CCM2L: variants seen among roughly 807,000 people sequenced by gnomAD.
The protein encoded by CCM2L is CCM2 like scaffold protein.
A neutral mutation model predicts 54.1 loss-of-function variants in CCM2L; 36 were observed. That is an observed-to-expected ratio of 0.67 (90% confidence interval 0.51 to 0.88). The LOEUF (loss-of-function observed/expected upper bound fraction) is 0.88, where lower values mean the gene tolerates loss of function less well. Among genes scored for constraint, CCM2L ranks in the 40% least tolerant of loss-of-function variants. The probability of loss-of-function intolerance (pLI) is 0.00; values close to 1 mark genes in which losing one functional copy is unlikely to be tolerated. For missense variants in CCM2L, 700 were observed against 812.1 expected (o/e 0.86, Z 1.68); for synonymous variants, 351 against 359.3 (o/e 0.98, Z 0.26).
rs765023826 is a variant in CCM2L at position 32,029,811 on chromosome 20, G to A, written c.1375G>A (p.Gly459Arg). The A allele has an allele frequency of 9.3e-6, 15 of 1,608,754 alleles. No homozygotes were observed. Among genetic ancestry groups the A allele is most frequent in the Admixed American group, 6.7e-5 (4 of 59,600 alleles). ...TTGCACAGGCCTGCTGAAGCTCTAC[G>A]GAGACCGGCGCAAGTTCCTCCTCCT... ...DYCTGLLKLYGDRRKFLLLGM... is the reference protein window; with the variant it reads ...DYCTGLLKLYRDRRKFLLLGM... The change falls in exon 9 of 10, where the codon GGA becomes AGA. Residue 459 changes from glycine (G) to arginine (R), a missense_variant. Coordinates refer to ENST00000452892, the MANE Select transcript of CCM2L (RefSeq NM_001365692.1).
At chr20:32,021,668 G>A (rs2064808476) in intron 5 of CCM2L, among the ~76,000 whole-genome samples, 1 of 152,056 alleles carries the variant, frequency 6.6e-6, no homozygotes, top group Non-Finnish European at 1.5e-5. Flanking sequence ...TGCTTTCCAG[G>A]GTTGTCTGAG....
At chr20:32,013,896 T>G (rs540123808) in intron 1 of CCM2L, among the ~76,000 whole-genome samples, 245 of 152,238 alleles carry the variant, frequency 1.6e-3, no homozygotes, top group Non-Finnish European at 2.3e-3. Context: ...ATTTAGTGGG[T>G]CTGGGATGGG....
At chr20:32,017,775 TTC>T in intron 2 of CCM2L, 23 bp from the exon 3 acceptor site, 1 of 1,603,504 alleles carries the variant, frequency 6.2e-7, no homozygotes, top group Non-Finnish European at 8.5e-7. Context: ...CTCTGTGTCC[TTC>T]TCTCACCCCG....
chr20:32,029,005 C>T lies in CCM2L; in HGVS notation c.1144C>T (p.Gln382Ter), dbSNP rs866393715. The T allele has an allele frequency of 6.2e-7, 1 of 1,614,128 alleles. No individual in the cohort carries two copies. Among genetic ancestry groups the T allele is most frequent in the Non-Finnish European group, 8.5e-7 (1 of 1,179,998 alleles). ...FSCCSSFNGS[Q>*]DTFEACYSGT... ...TTCCCGTGCCTGCAGTAATGGCTCC[C>T]AGGACACCTTTGAAGCATGTTACAG... The change falls in exon 8 of 10, where the codon CAG becomes TAG. Residue 382 changes from glutamine to a stop codon, truncating the protein, a stop_gained. Coordinates refer to ENST00000452892, the MANE Select transcript of CCM2L (RefSeq NM_001365692.1). LOFTEE classifies it high-confidence loss of function.
chr20:32,019,255 C>T lies in CCM2L; in HGVS notation c.779C>T (p.Ala260Val). Residue 260 changes from alanine (A) to valine (V), a missense_variant, in exon 5 of 10, where the codon GCG becomes GTG. Transcript: ENST00000452892. ...RHGGGGGGGG[A>V]GKPGGSWERR... ...GGAGGCGGCGGCGGCGGCGGCGGCG[C>T]GGGAAAGCCGGGCGGTAGCTGGGAG... 1.7e-6 allele frequency: 2 copies of T among 1,198,630 alleles called. No individual in the cohort carries two copies. The highest frequency in any genetic ancestry group is 2.1e-6 in the Non-Finnish European group (2 of 960,422). 74.2% of individuals were successfully genotyped at this position (1,198,630 alleles called of 1,614,324 possible). A position where few individuals can be genotyped will look rare whatever the true frequency, so the allele number is the denominator to read the frequency against.
chr20:32,030,500 G>A (rs1301340940), intron 9 of CCM2L, among the ~76,000 whole-genome samples: 3 of 152,094 alleles, frequency 2.0e-5, no homozygotes, highest in Non-Finnish European at 4.4e-5. Context: ...GGAAAATGAG[G>A]TTCAACATAA....
At position 32,032,075 on chromosome 20, in the gene CCM2L, C is replaced by T. The variant is rs1045370270; in HGVS notation, c.*761C>T. On this transcript the variant is annotated 3_prime_UTR_variant, in exon 10 of 10. Transcript: ENST00000452892. ...CCATCTGTCCAGTGAGCTCAGCCCC[C>T]ATCCACCTAACAGGGTGGCCACAGG... 1.3e-5 allele frequency: 2 copies of T among 152,320 alleles called. No individual in the cohort carries two copies. The highest frequency in any genetic ancestry group is 3.1e-3 in the Middle Eastern group (1 of 318). The allele number at this position is 152,320 out of a possible 1,614,324, so 9.4% of individuals were successfully genotyped here. A position where few individuals can be genotyped will look rare whatever the true frequency, so the allele number is the denominator to read the frequency against.
Position 32,031,260 on chromosome 20 carries a change from T to C in CCM2L, c.1662T>C (p.Asp554=). Residue 554 remains aspartate (D), a synonymous_variant, in exon 10 of 10, where the codon GAT becomes GAC. Transcript: ENST00000452892. ...CCGATGACGACGACGACGACGAGGA[T>C]GAGCCCCGGGGCTCCAGGGGCGGGA... ...LAPDDDDDDE[D]EPRGSRGGSD... The C allele has an allele frequency of 7.7e-7, 1 of 1,296,078 alleles. No individual in the cohort carries two copies. The highest frequency in any genetic ancestry group is 1.2e-5 in the South Asian group (1 of 80,860). 80.3% of individuals were successfully genotyped at this position (1,296,078 alleles called of 1,614,324 possible). A position where few individuals can be genotyped will look rare whatever the true frequency, so the allele number is the denominator to read the frequency against.
At chr20:32,028,952 G>T (rs757154453) in intron 7 of CCM2L, 43 bp from the exon 8 acceptor site, 1 of 1,611,344 alleles carries the variant, frequency 6.2e-7, no homozygotes, top group South Asian at 1.1e-5. Flanking sequence ...AGGGCCAGGA[G>T]CTGGAGGGAG....
At chr20:32,017,755 AG>A in intron 2 of CCM2L, 44 bp from the exon 3 acceptor site, 1 of 1,514,452 alleles carries the variant, frequency 6.6e-7, no homozygotes, top group South Asian at 1.1e-5. Context: ...TCAAGGTTTC[AG>A]GGTGACATCT....
chr20:32,015,813 T>A (rs2122321356), intron 2 of CCM2L, among the ~76,000 whole-genome samples: 1 of 151,446 alleles, frequency 6.6e-6, no homozygotes, highest in African/African-American at 2.4e-5. Context: ...AGCGTCCAGA[T>A]TAACAGCAAA....
chr20:32,029,629 C>T, intron 8 of CCM2L, 71 bp from the exon 9 acceptor site: 1 of 1,532,812 alleles, frequency 6.5e-7, no homozygotes, highest in Non-Finnish European at 8.8e-7. Context: ...AGGGAAGGCT[C>T]TGGGCCTTTC....
chr20:32,018,323 A>G lies in CCM2L; in HGVS notation c.466+161A>G, dbSNP rs369677793. Among the ~76,000 whole-genome samples the G allele has an allele frequency of 2.0e-4, 31 of 152,052 alleles. 1 individual carries two copies. The East Asian group carries it at 5.5e-3, about 27-fold the overall frequency. On this transcript the variant is annotated intron_variant, in intron 4 of 9. Coordinates refer to ENST00000452892, the MANE Select transcript of CCM2L (RefSeq NM_001365692.1). ...CAGAGGAGATGGAAAAGGTCTGACC[A>G]TACTACCCTGAGACTAGGGGCAGGC... is the stretch of plus-strand genomic sequence containing the variant.
chr20:32,029,598 A>AGCTGG, intron 8 of CCM2L, 102 bp from the exon 9 acceptor site: 1 of 1,427,960 alleles, frequency 7.0e-7, no homozygotes, highest in African/African-American at 1.4e-5. Context: ...TTCAGAGGAG[A>AGCTGG]GCTGGACCAA....
intron 4 of CCM2L, 29 bp downstream of exon 4, chr20:32,018,191 AGGGGC>A (rs2064758294): frequency 8.9e-5 from 6 of 67,468 alleles, no homozygotes; most frequent in East Asian, 1.2e-3. Context: ...GGGGCGGGGG[AGGGGC>A]GGGGGCGGGG....
chr20:32,010,659 C>T (rs2122303909), intron 1 of CCM2L, among the ~76,000 whole-genome samples, 175 bp downstream of exon 1: 1 of 152,246 alleles, frequency 6.6e-6, no homozygotes, highest in South Asian at 2.1e-4. Context: ...GCTCTAAACT[C>T]CCTGTTTCTC....
chr20:32,017,614 A>C (rs904278329), intron 2 of CCM2L, among the ~76,000 whole-genome samples, 186 bp from the exon 3 acceptor site: 3 of 152,186 alleles, frequency 2.0e-5, no homozygotes, highest in Non-Finnish European at 4.4e-5. Context: ...GAATGAGTGA[A>C]TATATAGAGA....
At chr20:32,020,576 C>T (rs2064795536) in intron 5 of CCM2L, among the ~76,000 whole-genome samples, 1 of 152,250 alleles carries the variant, frequency 6.6e-6, no homozygotes, top group Admixed American at 6.5e-5. Flanking sequence ...TTCCCTGTCA[C>T]AATTAATAGC....
intron 1 of CCM2L, 77 bp downstream of exon 1, chr20:32,010,561 G>A (rs897689635): frequency 9.3e-7 from 1 of 1,079,812 alleles, no homozygotes; most frequent in Admixed American, 2.1e-5. Flanking sequence ...GGGGCGGGGT[G>A]GGGGGTCGGT....
Sources: allele counts gnomAD v4.1 joint callset (sites outside exome capture counted in the v4.1 genomes callset), GRCh38; gene constraint gnomAD v4.1.1; transcripts MANE v1.5; gene names NCBI Gene and HGNC (gene_info 2026-07-23, HGNC 2026-07-21).